GALNT13: variants seen among roughly 807,000 people sequenced by gnomAD.
GALNT13 encodes polypeptide N-acetylgalactosaminyltransferase 13.
In GALNT13, 28 loss-of-function variants were observed where a neutral mutation model predicts 64.2. That is an observed-to-expected ratio of 0.44 (90% CI 0.32 to 0.60). GALNT13 has a LOEUF of 0.60. Ranked by LOEUF, GALNT13 falls within the 20% of genes least tolerant of loss-of-function variation. The pLI is 0.05. For missense variants in GALNT13, 577 were observed against 669.8 expected (o/e 0.86, Z 1.53); for synonymous variants, 214 against 224.6 (o/e 0.95, Z 0.42).
the GALNT13 span, among the ~76,000 whole-genome samples, chr2:153,117,929 C>T: frequency 6.6e-6 from 1 of 152,122 alleles, no homozygotes; most frequent in South Asian, 2.1e-4. Flanking sequence ...CAAAAGTTTC[C>T]TAGAACTGTC....
chr2:153,882,000 G>C (rs1196835322), intron 1 of GALNT13, among the ~76,000 whole-genome samples: 1 of 151,980 alleles, frequency 6.6e-6, no homozygotes, highest in African/African-American at 2.4e-5. Context: ...TTAAAGTATA[G>C]CTTCTTCGTT....
chr2:153,165,582 G>A, the GALNT13 span, among the ~76,000 whole-genome samples: 1 of 152,142 alleles, frequency 6.6e-6, no homozygotes, highest in African/African-American at 2.4e-5. Context: ...CTCTGGCAAT[G>A]CCTTTTTGAG....
At chr2:153,462,576 TC>T in the GALNT13 span, among the ~76,000 whole-genome samples, 2 of 152,274 alleles carry the variant, frequency 1.3e-5, no homozygotes, top group East Asian at 3.9e-4. Flanking sequence ...AACCATGTGA[TC>T]TTTTAATCAA....
chr2:154,000,079 C>T (rs1048127882), intron 3 of GALNT13, among the ~76,000 whole-genome samples: 3 of 151,168 alleles, frequency 2.0e-5, no homozygotes, highest in South Asian at 2.1e-4. Flanking sequence ...TGTATTTGTC[C>T]AGGAATTTAC....
intron 3 of GALNT13, among the ~76,000 whole-genome samples, chr2:154,010,928 T>A (rs1208093140): frequency 6.6e-6 from 1 of 152,096 alleles, no homozygotes; most frequent in Non-Finnish European, 1.5e-5. Context: ...TGTGTATTTC[T>A]ATGGGGTCAG....
the GALNT13 span, among the ~76,000 whole-genome samples, chr2:153,855,037 T>A: frequency 6.6e-6 from 1 of 152,162 alleles, no homozygotes; most frequent in Non-Finnish European, 1.5e-5. Flanking sequence ...ATGATAAAGA[T>A]TTCACAAACA....
chr2:154,102,235 T>G (rs1702385834), intron 3 of GALNT13, among the ~76,000 whole-genome samples: 1 of 152,126 alleles, frequency 6.6e-6, no homozygotes, highest in East Asian at 1.9e-4. Flanking sequence ...TATCTGGATA[T>G]CCCCCTTCTA....
At chr2:153,523,504 T>G in the GALNT13 span, among the ~76,000 whole-genome samples, 1 of 152,328 alleles carries the variant, frequency 6.6e-6, no homozygotes, top group African/African-American at 2.4e-5. Context: ...ATCAGAGTTT[T>G]ATAGTTTTCC....
At chr2:154,127,616 A>G (rs895551556) in intron 3 of GALNT13, among the ~76,000 whole-genome samples, 5 of 151,432 alleles carry the variant, frequency 3.3e-5, no homozygotes, top group African/African-American at 7.3e-5. Flanking sequence ...TAGACCTTCT[A>G]AAAATATAGG....
At chr2:154,439,688 C>T (rs1295909609) in intron 12 of GALNT13, among the ~76,000 whole-genome samples, 1 of 152,036 alleles carries the variant, frequency 6.6e-6, no homozygotes, top group Non-Finnish European at 1.5e-5. Flanking sequence ...TTTTGAATGT[C>T]GTTTTAATAT....
the GALNT13 span, among the ~76,000 whole-genome samples, chr2:153,680,450 G>A: frequency 1.3e-5 from 2 of 151,792 alleles, no homozygotes; most frequent in Admixed American, 6.6e-5. Flanking sequence ...GTGGGAACTA[G>A]GATCAAATTG....
the GALNT13 span, among the ~76,000 whole-genome samples, chr2:153,213,772 G>A: frequency 6.6e-6 from 1 of 152,120 alleles, no homozygotes; most frequent in African/African-American, 2.4e-5. Context: ...TATCTTCATG[G>A]ATTTTTCTGA....
chr2:153,673,427 C>A, the GALNT13 span, among the ~76,000 whole-genome samples: 1 of 152,104 alleles, frequency 6.6e-6, no homozygotes, highest in Non-Finnish European at 1.5e-5. Context: ...TAAACGTAAT[C>A]CATCACATAA....
chr2:154,174,912 A>G (rs1685566494), intron 4 of GALNT13, among the ~76,000 whole-genome samples: 1 of 152,174 alleles, frequency 6.6e-6, no homozygotes, highest in Non-Finnish European at 1.5e-5. Flanking sequence ...TCTTGTCAAC[A>G]TAACTGTATT....
the GALNT13 span, among the ~76,000 whole-genome samples, chr2:153,377,174 G>C: frequency 3.6e-3 from 544 of 152,252 alleles, 12 homozygotes; most frequent in Non-Finnish European, 2.6e-3. Context: ...TATGGGGAGA[G>C]GCAGCAAGAG....
chr2:153,647,294 C>T, the GALNT13 span, among the ~76,000 whole-genome samples: 2 of 152,156 alleles, frequency 1.3e-5, no homozygotes, highest in Non-Finnish European at 2.9e-5. Flanking sequence ...ATCCTTCACC[C>T]ACTTGTTGAT....
At chr2:153,811,882 T>C in the GALNT13 span, among the ~76,000 whole-genome samples, 2 of 152,244 alleles carry the variant, frequency 1.3e-5, no homozygotes, top group Admixed American at 1.3e-4. Flanking sequence ...GCCTCAGAGC[T>C]TATATGTTTT....
At chr2:153,117,003 G>T in the GALNT13 span, among the ~76,000 whole-genome samples, 15 of 152,014 alleles carry the variant, frequency 9.9e-5, no homozygotes, top group Middle Eastern at 3.4e-3. Flanking sequence ...GTTTCACCAT[G>T]TTAGCCAGGA....
the GALNT13 span, among the ~76,000 whole-genome samples, chr2:153,073,110 A>G: frequency 1.3e-5 from 2 of 152,164 alleles, no homozygotes; most frequent in Admixed American, 1.3e-4. Flanking sequence ...TAAGTAGGTT[A>G]CGCGCTTTGA....
Sources: gnomAD v4.1 joint callset for allele counts (sites outside exome capture counted in the v4.1 genomes callset) on GRCh38, gnomAD v4.1.1 for gene constraint, MANE v1.5 for transcripts, NCBI Gene and HGNC (gene_info 2026-07-23, HGNC 2026-07-21) for gene names.